The following GNA12 variants were observed in gnomAD, a reference collection of about 807,000 sequenced individuals.
GNA12 encodes guanine nucleotide-binding protein subunit alpha-12.
In GNA12, 9 loss-of-function variants were observed where a neutral mutation model predicts 26.0. The observed-to-expected ratio is 0.35, with a 90% CI of 0.21 to 0.60. The LOEUF is 0.60. GNA12 is among the 20% of genes least tolerant of loss of function. GNA12 has a pLI of 0.78. For missense variants in GNA12, 405 were observed against 525.8 expected (o/e 0.77, Z 2.25); for synonymous variants, 264 against 219.6 (o/e 1.20, Z -1.79).
intron 1 of GNA12, among the ~76,000 whole-genome samples, chr7:2,840,512 A>G (rs1778961598): frequency 6.6e-6 from 1 of 152,246 alleles, no homozygotes; most frequent in Middle Eastern, 3.2e-3. Context: ...ATTATTCTAA[A>G]TGGTATCATT....
intron 2 of GNA12, among the ~76,000 whole-genome samples, chr7:2,773,322 G>T (rs1000768639): frequency 1.3e-5 from 2 of 152,236 alleles, no homozygotes; most frequent in Admixed American, 6.5e-5. Context: ...CCAGCACTTT[G>T]GGAGGCCGAC....
chr7:2,776,080 C>T (rs1236308055), intron 2 of GNA12, among the ~76,000 whole-genome samples: 1 of 152,186 alleles, frequency 6.6e-6, no homozygotes, highest in Non-Finnish European at 1.5e-5. Context: ...CTGGGTTTCA[C>T]CCTGTCATCC....
chr7:2,744,425 C>G (rs1370769640), intron 2 of GNA12, among the ~76,000 whole-genome samples: 1 of 152,208 alleles, frequency 6.6e-6, no homozygotes, highest in Admixed American at 6.5e-5. Context: ...GAGTGGACCT[C>G]TAGCAAACTC....
chr7:2,811,453 G>A (rs1320783332), intron 1 of GNA12, among the ~76,000 whole-genome samples: 1 of 152,212 alleles, frequency 6.6e-6, no homozygotes, highest in East Asian at 1.9e-4. Context: ...TGTTCCAGAG[G>A]TACAGGAGAA....
intron 2 of GNA12, among the ~76,000 whole-genome samples, chr7:2,791,643 G>A (rs747517791): frequency 6.6e-6 from 1 of 151,892 alleles, no homozygotes; most frequent in Non-Finnish European, 1.5e-5. Context: ...AGAAAGACAA[G>A]CAAAAAACAA....
chr7:2,840,207 T>G (rs1356695823), intron 1 of GNA12, among the ~76,000 whole-genome samples: 2 of 152,214 alleles, frequency 1.3e-5, no homozygotes, highest in Non-Finnish European at 2.9e-5. Flanking sequence ...ATGTGGGATC[T>G]CTACTATTTC....
At position 2,844,121 on chromosome 7, in the gene GNA12, G is replaced by C. The variant is rs1476538889; in HGVS notation, c.41C>G (p.Pro14Arg). The C allele has an allele frequency of 8.1e-6, 8 of 987,872 alleles. No individual in the cohort carries two copies. Among genetic ancestry groups the C allele is most frequent in the Non-Finnish European group, 9.6e-6 (8 of 833,794 alleles). The allele number at this position is 987,872 out of a possible 1,614,324, so 61.2% of individuals were successfully genotyped here. A position where few individuals can be genotyped will look rare whatever the true frequency, so the allele number is the denominator to read the frequency against. Residue 14 changes from proline to arginine, a missense_variant, in exon 1 of 4, where the codon CCG (proline) becomes CGG (arginine). Physicochemically the swap from Pro to Arg is moderately radical, Grantham distance 103. Transcript: ENST00000275364. ...VVRTLSRCLL[P>R]AEAGGARERR... Reference sequence around the variant, plus strand: ...CTCGCGGGCCCCGCCGGCCTCGGCCGGCAGCAGGCAGCGGCTGAGGGTCCG... The same window carrying C: ...CTCGCGGGCCCCGCCGGCCTCGGCCCGCAGCAGGCAGCGGCTGAGGGTCCG...
At chr7:2,740,677 G>A (rs1389559085) in intron 2 of GNA12, among the ~76,000 whole-genome samples, 3 of 152,188 alleles carry the variant, frequency 2.0e-5, no homozygotes, top group Non-Finnish European at 4.4e-5. Flanking sequence ...GGGTTTATGA[G>A]TATCTGTTGG....
intron 2 of GNA12, among the ~76,000 whole-genome samples, chr7:2,783,161 C>G (rs1792272147): frequency 6.6e-6 from 1 of 152,200 alleles, no homozygotes; most frequent in Non-Finnish European, 1.5e-5. Context: ...GTCTGGCTGT[C>G]TCTGTGATGC....
chr7:2,742,931 G>C (rs1438091986), intron 2 of GNA12, among the ~76,000 whole-genome samples: 1 of 152,180 alleles, frequency 6.6e-6, no homozygotes, highest in Non-Finnish European at 1.5e-5. Context: ...TAGACCTGTA[G>C]GTTCTTCTCA....
At chr7:2,824,442 C>A (rs189033688) in intron 1 of GNA12, among the ~76,000 whole-genome samples, 1 of 152,208 alleles carries the variant, frequency 6.6e-6, no homozygotes. Context: ...CCCATCACCT[C>A]TGCAGGCGGC....
At chr7:2,824,070 A>G (rs1407667004) in intron 1 of GNA12, among the ~76,000 whole-genome samples, 2 of 152,176 alleles carry the variant, frequency 1.3e-5, no homozygotes, top group South Asian at 2.1e-4. Flanking sequence ...GCCTGTCTCA[A>G]AAATGGTATT....
Position 2,771,311 on chromosome 7 carries a change from C to A in GNA12, c.525+23617G>T, listed in dbSNP as rs529388368. On this transcript the variant is annotated intron_variant, in intron 2 of 3. Coordinates refer to ENST00000275364, the MANE Select transcript of GNA12 (RefSeq NM_007353.3). ...CTGCCACTCAAAAAAAACCAAAAAA[C>A]CAAAAAAACGAAACCGCACATAGTG... Among the ~76,000 whole-genome samples the A allele has an allele frequency of 2.6e-5, 4 of 152,084 alleles. No individual in the cohort carries two copies. In the East Asian group the frequency reaches 7.7e-4, roughly 29 times the overall value.
chr7:2,739,252 G>A (rs116728629), intron 2 of GNA12, among the ~76,000 whole-genome samples: 3,734 of 152,198 alleles, frequency 0.025, 109 homozygotes, highest in Middle Eastern at 0.075. Context: ...ATGTTGTACG[G>A]CCACCACTTC....
chr7:2,834,574 CAA>C (rs1289249740), intron 1 of GNA12, among the ~76,000 whole-genome samples: 1 of 152,198 alleles, frequency 6.6e-6, no homozygotes, highest in African/African-American at 2.4e-5. Flanking sequence ...TCAGTGGCAA[CAA>C]GAGACCACCC....
intron 2 of GNA12, among the ~76,000 whole-genome samples, chr7:2,755,345 G>T (rs1266138197): frequency 7.2e-5 from 11 of 152,228 alleles, no homozygotes; most frequent in Admixed American, 6.5e-4. Context: ...ATCAATCAGG[G>T]GAGAACAGAC....
At chr7:2,766,717 T>C (rs938414859) in intron 2 of GNA12, among the ~76,000 whole-genome samples, 3 of 152,174 alleles carry the variant, frequency 2.0e-5, no homozygotes, top group Admixed American at 6.5e-5. Flanking sequence ...GTGAATAAAG[T>C]TGCTATAAAC....
At chr7:2,811,661 C>A (rs1019677586) in intron 1 of GNA12, among the ~76,000 whole-genome samples, 2 of 152,222 alleles carry the variant, frequency 1.3e-5, no homozygotes, top group African/African-American at 4.8e-5. Flanking sequence ...AGAAGCGCTT[C>A]CCCTGACAGG....
At chr7:2,817,051 C>T (rs1793234043) in intron 1 of GNA12, among the ~76,000 whole-genome samples, 1 of 152,224 alleles carries the variant, frequency 6.6e-6, no homozygotes, top group Admixed American at 6.5e-5. Context: ...ACAGTTGGGT[C>T]AGTTCAACTC....
Sources: gnomAD v4.1 joint callset for allele counts (sites outside exome capture counted in the v4.1 genomes callset) on GRCh38, gnomAD v4.1.1 for gene constraint, MANE v1.5 for transcripts, NCBI Gene and HGNC (gene_info 2026-07-23, HGNC 2026-07-21) for gene names.